The following EYS variants were observed in gnomAD, a reference collection of about 807,000 sequenced individuals.
EYS encodes the protein EGF-like photoreceptor maintenance factor, also known as protein eyes shut homolog.
In EYS, 250 loss-of-function variants were observed where a neutral mutation model predicts 282.1. The observed-to-expected ratio is 0.89, with a 90% confidence interval of 0.80 to 0.98. The LOEUF is 0.98. EYS is among the 50% of genes least tolerant of loss of function. EYS has a pLI of 0.00. For missense variants in EYS, 4,016 were observed against 3,709.0 expected (o/e 1.08, Z -2.15); for synonymous variants, 1,355 against 1,282.9 (o/e 1.06, Z -1.20).
intron 1 of EYS, among the ~76,000 whole-genome samples, chr6:65,700,110 G>T (rs1422578951): frequency 3.7e-5 from 2 of 53,934 alleles, no homozygotes; most frequent in East Asian, 7.4e-4. Flanking sequence ...GCGAGACTCC[G>T]TCTCAAAAAA....
At chr6:64,914,903 C>T (rs934532082) in intron 15 of EYS, among the ~76,000 whole-genome samples, 7 of 151,920 alleles carry the variant, frequency 4.6e-5, no homozygotes, top group African/African-American at 1.7e-4. Flanking sequence ...AAATTTATGA[C>T]TGAAACAATT....
intron 12 of EYS, among the ~76,000 whole-genome samples, chr6:65,086,832 G>GT (rs1035375298): frequency 0.014 from 2,048 of 144,880 alleles, 16 homozygotes; most frequent in Non-Finnish European, 0.018. Context: ...GTATATGTGG[G>GT]TTTTTTTTTT....
chr6:64,426,674 GT>G (rs1392790707), intron 28 of EYS, among the ~76,000 whole-genome samples: 1 of 145,018 alleles, frequency 6.9e-6, no homozygotes, highest in Non-Finnish European at 1.5e-5. Context: ...TGGCAGAGGG[GT>G]TGGCTTTGGA....
rs74610636 is a variant in EYS at position 64,161,405 on chromosome 6, T to G, written c.6424+69187A>C. 1.9e-3 allele frequency among the ~76,000 whole-genome samples: 294 copies of G among 152,292 alleles called. 9 individuals are homozygous for G. In the East Asian group the frequency reaches 0.051, roughly 27 times the overall value. On this transcript the variant is annotated intron_variant, in intron 31 of 42. Coordinates refer to ENST00000503581, the MANE Select transcript of EYS (RefSeq NM_001142800.2). ...TCCCATCAGTAGGAAGCTGCTGTCATGAGGTAATAAACAAATTAAGATCTC... is the reference window on the plus strand; with the variant it reads ...TCCCATCAGTAGGAAGCTGCTGTCAGGAGGTAATAAACAAATTAAGATCTC...
Position 64,689,963 on chromosome 6 carries a change from C to T in EYS, c.3444-63718G>A, listed in dbSNP as rs1023125239. On this transcript the variant is annotated intron_variant, in intron 22 of 42. Coordinates refer to ENST00000503581, the MANE Select transcript of EYS (RefSeq NM_001142800.2). ...CACCAAAAGCAATGGCAACAGAAGCCAAAATTGACAAATGGGATCTAATTA... is the reference window on the plus strand; with the variant it reads ...CACCAAAAGCAATGGCAACAGAAGCTAAAATTGACAAATGGGATCTAATTA... Among the ~76,000 whole-genome samples, 9 of 152,010 alleles carry T rather than the reference C, an allele frequency of 5.9e-5. No individual in the cohort carries two copies. The South Asian group carries it at 8.3e-4, about 14-fold the overall frequency.
intron 22 of EYS, among the ~76,000 whole-genome samples, chr6:64,666,507 T>G (rs749353940): frequency 2.6e-5 from 4 of 152,242 alleles, no homozygotes; most frequent in South Asian, 4.1e-4. Flanking sequence ...TGCTACTTGT[T>G]TATTTACTTT....
intron 30 of EYS, among the ~76,000 whole-genome samples, chr6:64,248,612 T>A (rs1767096910): frequency 6.6e-6 from 1 of 152,114 alleles, no homozygotes; most frequent in Non-Finnish European, 1.5e-5. Flanking sequence ...AGGGAAAAGG[T>A]AACTTTTATA....
chr6:65,164,387 T>C (rs929008279), intron 12 of EYS, among the ~76,000 whole-genome samples: 1 of 151,242 alleles, frequency 6.6e-6, no homozygotes, highest in Non-Finnish European at 1.5e-5. Flanking sequence ...GACTGCTTAA[T>C]TCTACGATTA....
chr6:64,978,329 C>A (rs1006808578), intron 14 of EYS, among the ~76,000 whole-genome samples: 1 of 151,888 alleles, frequency 6.6e-6, no homozygotes, highest in African/African-American at 2.4e-5. Flanking sequence ...AAAACAAAGC[C>A]TGGATAACAG....
intron 22 of EYS, among the ~76,000 whole-genome samples, chr6:64,800,934 C>A (rs1002956434): frequency 6.6e-6 from 1 of 151,890 alleles, no homozygotes; most frequent in African/African-American, 2.4e-5. Context: ...AATAGAAGCA[C>A]ACATTAAGCA....
At chr6:65,169,349 C>G (rs1337009252) in intron 12 of EYS, among the ~76,000 whole-genome samples, 3 of 151,288 alleles carry the variant, frequency 2.0e-5, no homozygotes, top group Non-Finnish European at 4.4e-5. Context: ...ATAACACAAG[C>G]AAATATGATA....
intron 22 of EYS, among the ~76,000 whole-genome samples, chr6:64,679,502 T>C (rs1217278749): frequency 6.6e-6 from 1 of 152,190 alleles, no homozygotes; most frequent in African/African-American, 2.4e-5. Context: ...AAAAGTCTAA[T>C]GCATACATTG....
intron 22 of EYS, among the ~76,000 whole-genome samples, chr6:64,626,484 A>G (rs1345741301): frequency 6.6e-6 from 1 of 152,160 alleles, no homozygotes; most frequent in East Asian, 1.9e-4. Flanking sequence ...AGATTTAATT[A>G]AGTATCTTGA....
intron 15 of EYS, among the ~76,000 whole-genome samples, chr6:64,942,989 A>C (rs1261939912): frequency 1.3e-5 from 2 of 152,138 alleles, no homozygotes; most frequent in African/African-American, 4.8e-5. Context: ...AGGAAGCCTA[A>C]TATGGCAGCA....
intron 28 of EYS, among the ~76,000 whole-genome samples, chr6:64,427,963 TTTG>T: frequency 6.6e-6 from 1 of 152,244 alleles, no homozygotes; most frequent in African/African-American, 2.4e-5. Context: ...ACTTTCAACA[TTTG>T]AATTTTCTGA....
chr6:64,127,567 A>G (rs1427548316), intron 31 of EYS, among the ~76,000 whole-genome samples: 1 of 152,158 alleles, frequency 6.6e-6, no homozygotes, highest in African/African-American at 2.4e-5. Flanking sequence ...GAGAGACTAA[A>G]ATTTATAAAA....
chr6:64,909,006 T>A (rs528702963), intron 16 of EYS, among the ~76,000 whole-genome samples: 1 of 152,240 alleles, frequency 6.6e-6, no homozygotes, highest in South Asian at 2.1e-4. Flanking sequence ...TTTCACCGGG[T>A]ACCCACCCTT....
chr6:63,912,197 A>G (rs965526016), intron 35 of EYS, among the ~76,000 whole-genome samples: 1 of 152,126 alleles, frequency 6.6e-6, no homozygotes, highest in Non-Finnish European at 1.5e-5. Context: ...CTATTTCAAT[A>G]TCTTTATAGT....
At chr6:64,782,843 G>T (rs553908142) in intron 22 of EYS, among the ~76,000 whole-genome samples, 1 of 152,182 alleles carries the variant, frequency 6.6e-6, no homozygotes, top group South Asian at 2.1e-4. Flanking sequence ...TCATTTTAGG[G>T]CACTTGTATT....
Sources: gnomAD v4.1 joint callset for allele counts (sites outside exome capture counted in the v4.1 genomes callset) on GRCh38, gnomAD v4.1.1 for gene constraint, MANE v1.5 for transcripts, NCBI Gene and HGNC (gene_info 2026-07-23, HGNC 2026-07-21) for gene names.